Variants in GPHN observed in about 807,000 individuals in gnomAD.
The protein encoded by GPHN is gephyrin.
In GPHN, 17 loss-of-function variants were observed where a neutral mutation model predicts 95.5. That is an observed-to-expected ratio of 0.18 (90% CI 0.12 to 0.27). The LOEUF (loss-of-function observed/expected upper bound fraction) is 0.27, where lower values mean the gene tolerates loss of function less well. Among genes scored for constraint, GPHN ranks in the 10% least tolerant of loss-of-function variants. The probability of loss-of-function intolerance (pLI) is 1.00; values close to 1 mark genes in which losing one functional copy is unlikely to be tolerated. For missense variants in GPHN, 660 were observed against 978.1 expected (o/e 0.67, Z 4.34); for synonymous variants, 320 against 322.5 (o/e 0.99, Z 0.08).
chr14:67,311,516 T>A, the GPHN span, among the ~76,000 whole-genome samples: 1 of 152,204 alleles, frequency 6.6e-6, no homozygotes, highest in Admixed American at 6.5e-5. Context: ...AGTAGATTTC[T>A]TATAGATTTT....
At chr14:66,997,260 G>T (rs915328058) in intron 9 of GPHN, among the ~76,000 whole-genome samples, 1 of 151,508 alleles carries the variant, frequency 6.6e-6, no homozygotes. Flanking sequence ...CCAGCTACTC[G>T]AGAGGCTGAG....
intron 1 of GPHN, among the ~76,000 whole-genome samples, chr14:66,615,914 G>C (rs142074129): frequency 0.058 from 8,814 of 151,916 alleles, 353 homozygotes; most frequent in Middle Eastern, 0.099. Flanking sequence ...GTAAGGAAGG[G>C]TCCAGTTTCA....
chr14:67,624,299 A>G, the GPHN span, among the ~76,000 whole-genome samples: 2 of 152,328 alleles, frequency 1.3e-5, no homozygotes, highest in East Asian at 3.9e-4. Context: ...AATACTGTAT[A>G]GTGACACCAT....
At chr14:67,260,697 CAA>C in the GPHN span, among the ~76,000 whole-genome samples, 1 of 151,986 alleles carries the variant, frequency 6.6e-6, no homozygotes, top group African/African-American at 2.4e-5. Flanking sequence ...AGTTTAATGA[CAA>C]AATATAAGCA....
chr14:67,123,427 C>A (rs908762191), intron 17 of GPHN, among the ~76,000 whole-genome samples: 11 of 152,218 alleles, frequency 7.2e-5, no homozygotes, highest in African/African-American at 2.4e-4. Flanking sequence ...GTAATCCCAG[C>A]ACTTTGGAAG....
At chr14:67,530,292 T>C in the GPHN span, among the ~76,000 whole-genome samples, 1 of 152,226 alleles carries the variant, frequency 6.6e-6, no homozygotes, top group Non-Finnish European at 1.5e-5. Context: ...ATTATCATCA[T>C]TATTTTACAA....
At chr14:67,452,989 T>C in the GPHN span, among the ~76,000 whole-genome samples, 1 of 152,184 alleles carries the variant, frequency 6.6e-6, no homozygotes, top group Non-Finnish European at 1.5e-5. Flanking sequence ...TCTGCTACTG[T>C]CTAGGGCATG....
the GPHN span, among the ~76,000 whole-genome samples, chr14:67,273,966 G>A: frequency 5.9e-5 from 9 of 152,174 alleles, no homozygotes; most frequent in East Asian, 1.5e-3. Flanking sequence ...TTTTGATGGG[G>A]TTGTTTGATT....
At chr14:67,710,944 G>T in the GPHN span, among the ~76,000 whole-genome samples, 1 of 151,860 alleles carries the variant, frequency 6.6e-6, no homozygotes, top group African/African-American at 2.4e-5. Context: ...TTAAAATTAT[G>T]GAACCACCAT....
chr14:67,383,804 A>G, the GPHN span: 6 of 283,330 alleles, frequency 2.1e-5, no homozygotes, highest in South Asian at 1.8e-4. Context: ...AACAATCCCA[A>G]TCTTTCTATA....
At chr14:67,429,209 G>T in the GPHN span, among the ~76,000 whole-genome samples, 43 of 151,896 alleles carry the variant, frequency 2.8e-4, no homozygotes, top group African/African-American at 9.7e-4. Flanking sequence ...CAGCACTTTG[G>T]GAGGCTGAGG....
the GPHN span, chr14:67,561,869 C>T: frequency 1.3e-6 from 1 of 755,736 alleles, no homozygotes; most frequent in Non-Finnish European, 2.0e-6. Context: ...GACCCTGTCT[C>T]AAAAAAAAAA....
chr14:67,726,254 T>C, the GPHN span: 16 of 803,394 alleles, frequency 2.0e-5, no homozygotes, highest in Non-Finnish European at 2.9e-5. Context: ...GGGGCCTTCA[T>C]AGAGCCTAGG....
At chr14:66,666,987 TG>T (rs2065999852) in intron 1 of GPHN, among the ~76,000 whole-genome samples, 1 of 152,120 alleles carries the variant, frequency 6.6e-6, no homozygotes, top group Non-Finnish European at 1.5e-5. Flanking sequence ...TTCCTATACA[TG>T]AACAACAGTA....
At chr14:67,636,606 C>T in the GPHN span, among the ~76,000 whole-genome samples, 1 of 152,190 alleles carries the variant, frequency 6.6e-6, no homozygotes, top group East Asian at 1.9e-4. Context: ...TTCCTTACAG[C>T]CTGGTTGCAT....
At chr14:67,397,741 C>G in the GPHN span, 1 of 1,613,306 alleles carries the variant, frequency 6.2e-7, no homozygotes. Flanking sequence ...AGGGGTCACT[C>G]TCCGACCCCC....
the GPHN span, among the ~76,000 whole-genome samples, chr14:67,195,488 A>C: frequency 6.6e-6 from 1 of 152,178 alleles, no homozygotes; most frequent in African/African-American, 2.4e-5. Context: ...CTGATTAGCA[A>C]GTGTGAACCG....
the GPHN span, among the ~76,000 whole-genome samples, chr14:67,374,878 A>T: frequency 6.6e-5 from 10 of 152,316 alleles, no homozygotes; most frequent in African/African-American, 2.4e-4. Flanking sequence ...TGCTGGGATT[A>T]CAGAAGTGAG....
intron 12 of GPHN, among the ~76,000 whole-genome samples, chr14:67,092,577 A>G (rs1284763839): frequency 6.6e-6 from 1 of 152,140 alleles, no homozygotes; most frequent in African/African-American, 2.4e-5. Context: ...TAAAACTCCA[A>G]ACCAGTTGGA....
Sources: gnomAD v4.1 joint callset for allele counts (sites outside exome capture counted in the v4.1 genomes callset) on GRCh38, gnomAD v4.1.1 for gene constraint, MANE v1.5 for transcripts, NCBI Gene and HGNC (gene_info 2026-07-23, HGNC 2026-07-21) for gene names.